The following FUT8 variants were observed in gnomAD, a reference collection of about 807,000 sequenced individuals.
FUT8 encodes the protein fucosyltransferase 8, also known as alpha-(1,6)-fucosyltransferase.
A neutral mutation model predicts 71.3 loss-of-function variants in FUT8; 29 were observed. The ratio of observed to expected loss-of-function variants is 0.41; its 90% CI spans 0.30 to 0.55. The LOEUF (loss-of-function observed/expected upper bound fraction) is 0.55. FUT8 is among the 20% of genes least tolerant of loss of function. The pLI is 0.34. For synonymous variants in FUT8, 254 were observed against 239.3 expected (o/e 1.06, Z -0.57); for missense variants, 544 against 702.1 (o/e 0.77, Z 2.55).
rs73268524 is a variant in FUT8 at position 65,629,815 on chromosome 14, A to G, written c.597+209A>G. Among the ~76,000 whole-genome samples the G allele has an allele frequency of 0.15, 20,537 of 139,248 alleles. 1,808 individuals are homozygous for G. Among genetic ancestry groups the G allele is most frequent in the East Asian group, 0.4 (1,984 of 4,900 alleles). 91.4% of individuals were successfully genotyped at this position (139,248 alleles called of 152,430 possible). On this transcript the variant is annotated intron_variant, in intron 6 of 10. Transcript: ENST00000673929. ...CAAAGACCCTGTCCTAAAGGGAGCT[A>G]CTTCTTACACACGTACACACACACA... is the stretch of plus-strand genomic sequence containing the variant.
chr14:65,504,392 T>C (rs1017846740), intron 2 of FUT8, among the ~76,000 whole-genome samples: 1 of 152,174 alleles, frequency 6.6e-6, no homozygotes, highest in African/African-American at 2.4e-5. Flanking sequence ...GCAAAGAAAA[T>C]GTAGACTTCT....
the FUT8 span, among the ~76,000 whole-genome samples, chr14:65,389,537 C>T: frequency 0.13 from 20,339 of 151,790 alleles, 1,997 homozygotes; most frequent in East Asian, 0.54. Context: ...GGTCTTGAAC[C>T]CCTGACCTCA....
intron 3 of FUT8, among the ~76,000 whole-genome samples, chr14:65,575,619 C>A (rs1418001851): frequency 3.0e-5 from 4 of 134,384 alleles, no homozygotes; most frequent in Non-Finnish European, 6.4e-5. Context: ...TCCTTCCTTC[C>A]TTCCTCTTTT....
chr14:65,394,750 C>CTTTTTT, the FUT8 span, among the ~76,000 whole-genome samples: 1 of 132,580 alleles, frequency 7.5e-6, no homozygotes. Flanking sequence ...GCAGTCAAAT[C>CTTTTTT]TTTTTTTTTT....
intron 8 of FUT8, among the ~76,000 whole-genome samples, chr14:65,722,304 T>C (rs1895459858): frequency 6.6e-6 from 1 of 152,140 alleles, no homozygotes; most frequent in Non-Finnish European, 1.5e-5. Context: ...GCTTTTGTTG[T>C]TGTTATTTTT....
intron 1 of FUT8, among the ~76,000 whole-genome samples, chr14:65,451,352 T>C (rs975174665): frequency 2.0e-5 from 3 of 152,252 alleles, no homozygotes; most frequent in Admixed American, 6.5e-5. Flanking sequence ...GCCGGATGCT[T>C]TAGCCACAGC....
chr14:65,613,659 AAATGTCTCC>A (rs1159761756), intron 3 of FUT8, among the ~76,000 whole-genome samples: 1 of 152,218 alleles, frequency 6.6e-6, no homozygotes, highest in Non-Finnish European at 1.5e-5. Context: ...GGAAATTATA[AAATGTCTCC>A]AATTACTTTG....
chr14:65,637,227 A>T (rs1007361773), intron 6 of FUT8, among the ~76,000 whole-genome samples: 2 of 152,244 alleles, frequency 1.3e-5, no homozygotes, highest in African/African-American at 4.8e-5. Context: ...TTACCATAAT[A>T]TAAGTCATTT....
intron 1 of FUT8, among the ~76,000 whole-genome samples, chr14:65,420,890 A>G (rs1422970217): frequency 6.6e-6 from 1 of 152,160 alleles, no homozygotes; most frequent in Non-Finnish European, 1.5e-5. Flanking sequence ...TAGAGAAAAG[A>G]AAATGTTATT....
At chr14:65,614,906 TGGA>T (rs1284143732) in intron 3 of FUT8, among the ~76,000 whole-genome samples, 1 of 152,148 alleles carries the variant, frequency 6.6e-6, no homozygotes, top group East Asian at 1.9e-4. Flanking sequence ...TACATCAAAG[TGGA>T]GTACAGTATA....
At chr14:65,555,829 C>A (rs1181431023) in intron 2 of FUT8, among the ~76,000 whole-genome samples, 1 of 152,160 alleles carries the variant, frequency 6.6e-6, no homozygotes, top group Admixed American at 6.6e-5. Flanking sequence ...GGAGATGGAA[C>A]TCTGTTTAGC....
chr14:65,515,133 A>G (rs1420413992), intron 2 of FUT8, among the ~76,000 whole-genome samples: 1 of 147,724 alleles, frequency 6.8e-6, no homozygotes, highest in Admixed American at 6.8e-5. Context: ...AGTGTAGTCT[A>G]GGAAGATTTT....
intron 2 of FUT8, among the ~76,000 whole-genome samples, chr14:65,511,498 C>T (rs905917753): frequency 7.9e-5 from 12 of 152,152 alleles, no homozygotes; most frequent in Non-Finnish European, 1.8e-4. Flanking sequence ...ATGTTGAAAT[C>T]TCCAGCTATT....
chr14:65,693,259 C>T (rs1341460984), intron 7 of FUT8, among the ~76,000 whole-genome samples: 2 of 152,246 alleles, frequency 1.3e-5, no homozygotes, highest in Non-Finnish European at 2.9e-5. Flanking sequence ...AATCCAGGCA[C>T]CTCGGGAGGC....
At chr14:65,508,657 C>T (rs1337021045) in intron 2 of FUT8, among the ~76,000 whole-genome samples, 3 of 151,476 alleles carry the variant, frequency 2.0e-5, no homozygotes, top group South Asian at 2.1e-4. Context: ...CCTGCCACCA[C>T]GCCCAGCTAA....
intron 3 of FUT8, among the ~76,000 whole-genome samples, chr14:65,599,886 AT>A (rs1437174550): frequency 2.6e-5 from 4 of 152,234 alleles, no homozygotes; most frequent in African/African-American, 9.6e-5. Context: ...CTTAATACAT[AT>A]GCTCTAACAA....
intron 6 of FUT8, among the ~76,000 whole-genome samples, chr14:65,661,257 T>C (rs1431062645): frequency 2.0e-5 from 3 of 152,158 alleles, no homozygotes; most frequent in Non-Finnish European, 4.4e-5. Context: ...CATCTTGTAT[T>C]GAAGACATCA....
At chr14:65,512,015 T>C (rs1882376432) in intron 2 of FUT8, among the ~76,000 whole-genome samples, 2 of 152,214 alleles carry the variant, frequency 1.3e-5, no homozygotes, top group African/African-American at 4.8e-5. Context: ...TACAGCCTAC[T>C]ACCCACCTGG....
chr14:65,563,021 T>C (rs1362991038), intron 3 of FUT8, among the ~76,000 whole-genome samples: 2 of 152,088 alleles, frequency 1.3e-5, no homozygotes, highest in African/African-American at 2.4e-5. Context: ...GGTCCTTTTA[T>C]GTCCTTTGAA....
Sources: allele counts gnomAD v4.1 joint callset (sites outside exome capture counted in the v4.1 genomes callset), GRCh38; gene constraint gnomAD v4.1.1; transcripts MANE v1.5; gene names NCBI Gene and HGNC (gene_info 2026-07-23, HGNC 2026-07-21).